Variants in LMNB1 observed in about 807,000 individuals in gnomAD.
The protein encoded by LMNB1 is lamin B1.
Under a neutral mutation model 67.1 loss-of-function variants are expected in LMNB1, and 23 were observed. That is an observed-to-expected ratio of 0.34 (90% CI 0.25 to 0.49). The LOEUF (loss-of-function observed/expected upper bound fraction) is 0.49, where lower values mean the gene tolerates loss of function less well. Ranked by LOEUF, LMNB1 falls within the 20% of genes least tolerant of loss-of-function variation. The pLI, the probability that LMNB1 is intolerant of heterozygous loss-of-function variation, is 0.99. For synonymous variants in LMNB1, 281 were observed against 282.9 expected, an observed-to-expected ratio of 0.99 and a Z score of 0.07; for missense variants, 634 against 746.5, an observed-to-expected ratio of 0.85 and a Z score of 1.76.
intron 6 of LMNB1, among the ~76,000 whole-genome samples, chr5:126,819,836 C>T (rs1337261661): frequency 6.6e-6 from 1 of 152,222 alleles, no homozygotes; most frequent in East Asian, 1.9e-4. Context: ...ATTTTTGACA[C>T]CTGTTCTCAG....
intron 1 of LMNB1, among the ~76,000 whole-genome samples, chr5:126,798,575 AAG>A (rs1347112383): frequency 1.3e-5 from 2 of 152,198 alleles, no homozygotes; most frequent in Non-Finnish European, 2.9e-5. Context: ...GGTAGGAAGA[AAG>A]AGAGGATACC....
intron 1 of LMNB1, among the ~76,000 whole-genome samples, chr5:126,780,228 A>G (rs1311225788): frequency 1.3e-5 from 2 of 152,164 alleles, no homozygotes; most frequent in Non-Finnish European, 2.9e-5. Flanking sequence ...TCTGTTGCGT[A>G]CCAGTCACCG....
chr5:126,793,013 T>G (rs1751003089), intron 1 of LMNB1, among the ~76,000 whole-genome samples: 1 of 152,196 alleles, frequency 6.6e-6, no homozygotes, highest in South Asian at 2.1e-4. Context: ...CTTTTATGTG[T>G]GAGGCCACCA....
intron 3 of LMNB1, 95 bp downstream of exon 3, chr5:126,805,791 C>G (rs1173970917): frequency 2.1e-6 from 2 of 958,438 alleles, no homozygotes; most frequent in East Asian, 5.1e-5. Context: ...TTTATGATTT[C>G]TTTGCCACAA....
At position 126,819,068 on chromosome 5, in the gene LMNB1, G is replaced by A. The variant is rs759791464; in HGVS notation, c.1086G>A (p.Gln362=). The A allele has an allele frequency of 6.2e-7, 1 of 1,614,162 alleles. No homozygotes were observed. Among genetic ancestry groups the A allele is most frequent in the Non-Finnish European group, 8.5e-7 (1 of 1,180,024 alleles). ...QMQQQLNDYE[Q]LLDVKLALDM... Reference sequence around the variant, plus strand: ...AGCAACAGCTGAATGACTATGAACAGCTTCTTGATGTAAAGTTAGCCCTGG... The same window carrying A: ...AGCAACAGCTGAATGACTATGAACAACTTCTTGATGTAAAGTTAGCCCTGG... Residue 362 remains glutamine, a synonymous_variant, in exon 6 of 11, where the codon CAG becomes CAA. Transcript: ENST00000261366.
rs62391733 is a variant in LMNB1 at position 126,779,063 on chromosome 5, G to A, written c.359+1196G>A. ...ATTAGCACTGCCAGCTGAAATTTCTGGAGGTACCTTATTCTCACTTTGACA... is the reference window on the plus strand; with the variant it reads ...ATTAGCACTGCCAGCTGAAATTTCTAGAGGTACCTTATTCTCACTTTGACA... On this transcript the variant is annotated intron_variant, in intron 1 of 10. Transcript: ENST00000261366. Among the ~76,000 whole-genome samples the A allele has an allele frequency of 5.2e-3, 796 of 152,236 alleles. 4 individuals are homozygous for A. The highest frequency in any genetic ancestry group is 6.8e-3 in the Non-Finnish European group (461 of 68,020).
intron 1 of LMNB1, among the ~76,000 whole-genome samples, chr5:126,794,678 G>T (rs1751046181): frequency 6.6e-6 from 1 of 152,228 alleles, no homozygotes; most frequent in Non-Finnish European, 1.5e-5. Flanking sequence ...AGCAGGAACA[G>T]AGCTTAGCCA....
intron 1 of LMNB1, among the ~76,000 whole-genome samples, chr5:126,786,112 C>CTTTTTTTTTTTTT (rs70997312): frequency 1.9e-5 from 2 of 106,668 alleles, no homozygotes; most frequent in Non-Finnish European, 3.6e-5. Flanking sequence ...CAGACATTAT[C>CTTTTTTTTTTTTT]TTTTTTTTTT....
At chr5:126,815,835 A>G (rs1751692287) in intron 5 of LMNB1, among the ~76,000 whole-genome samples, 1 of 152,210 alleles carries the variant, frequency 6.6e-6, no homozygotes, top group Non-Finnish European at 1.5e-5. Flanking sequence ...AAATATTTCT[A>G]TTTAAAATAC....
chr5:126,801,512 G>A (rs1334620822), intron 1 of LMNB1, among the ~76,000 whole-genome samples: 1 of 151,962 alleles, frequency 6.6e-6, no homozygotes, highest in African/African-American at 2.4e-5. Flanking sequence ...TACTGCCTTG[G>A]GTTAATTTTT....
chr5:126,779,617 GGCC>G (rs765315828), intron 1 of LMNB1, among the ~76,000 whole-genome samples: 54 of 152,334 alleles, frequency 3.5e-4, no homozygotes, highest in Admixed American at 7.8e-4. Flanking sequence ...TGTCAAACAG[GGCC>G]GGGCGTGGTG....
chr5:126,826,270 T>G lies in LMNB1; in HGVS notation c.1611+163T>G, dbSNP rs6896584. 0.065 allele frequency among the ~76,000 whole-genome samples: 9,873 copies of G among 152,260 alleles called. 686 individuals are homozygous for G. Among genetic ancestry groups the G allele is most frequent in the African/African-American group, 0.17 (7,121 of 41,520 alleles). Reference sequence around the variant, plus strand: ...GCTGTCTTTAAGTTTTAGGAATAAATAGGAGTGTATTATAGAGTACTGATT... The same window carrying G: ...GCTGTCTTTAAGTTTTAGGAATAAAGAGGAGTGTATTATAGAGTACTGATT... On this transcript the variant is annotated intron_variant, in intron 9 of 10. Coordinates refer to ENST00000261366, the MANE Select transcript of LMNB1 (RefSeq NM_005573.4).
intron 5 of LMNB1, 131 bp downstream of exon 5, chr5:126,812,029 C>A: frequency 3.7e-6 from 3 of 814,646 alleles, no homozygotes; most frequent in Non-Finnish European, 5.8e-6. Flanking sequence ...CCTGTGCTTT[C>A]GTCTTCACAG....
At chr5:126,819,195 C>A (rs1161687283) in intron 6 of LMNB1, 53 bp downstream of exon 6, 2 of 1,219,146 alleles carry the variant, frequency 1.6e-6, no homozygotes, top group Non-Finnish European at 2.3e-6. Context: ...GCCTCTCACC[C>A]TTTTTATTGA....
At chr5:126,801,100 C>T (rs1470038988) in intron 1 of LMNB1, among the ~76,000 whole-genome samples, 1 of 147,762 alleles carries the variant, frequency 6.8e-6, no homozygotes, top group Non-Finnish European at 1.5e-5. Context: ...TCTCCCGCCT[C>T]AGCCCCTCTA....
At chr5:126,798,545 T>C (rs542622428) in intron 1 of LMNB1, among the ~76,000 whole-genome samples, 1 of 152,342 alleles carries the variant, frequency 6.6e-6, no homozygotes, top group South Asian at 2.1e-4. Context: ...TTTTTCATGA[T>C]TCATTCAGCC....
chr5:126,816,649 C>T (rs1054193795), intron 5 of LMNB1, among the ~76,000 whole-genome samples: 3 of 152,154 alleles, frequency 2.0e-5, no homozygotes, highest in Admixed American at 6.6e-5. Flanking sequence ...CACATGCCTC[C>T]CCTGGTCTGT....
At chr5:126,791,567 C>G (rs148793382) in intron 1 of LMNB1, among the ~76,000 whole-genome samples, 3 of 149,322 alleles carry the variant, frequency 2.0e-5, no homozygotes, top group Non-Finnish European at 4.4e-5. Context: ...AAGTGATCCT[C>G]TCACCTTAGC....
intron 6 of LMNB1, among the ~76,000 whole-genome samples, chr5:126,819,973 C>T (rs1446980582): frequency 5.3e-5 from 8 of 151,810 alleles, no homozygotes; most frequent in Admixed American, 4.6e-4. Context: ...GGTGAAACTC[C>T]GTCTCTAATG....
Sources: gnomAD v4.1 joint callset for allele counts (sites outside exome capture counted in the v4.1 genomes callset) on GRCh38, gnomAD v4.1.1 for gene constraint, MANE v1.5 for transcripts, NCBI Gene and HGNC (gene_info 2026-07-23, HGNC 2026-07-21) for gene names.